ADGRG7: variants seen among roughly 807,000 people sequenced by gnomAD.
ADGRG7 encodes G-protein coupled receptor 128.
In ADGRG7, 82 loss-of-function variants were observed where a neutral mutation model predicts 88.6. That is an observed-to-expected ratio of 0.93 (90% CI 0.77 to 1.11). ADGRG7 has a LOEUF of 1.11. Ranked by LOEUF, ADGRG7 falls within the 50% of genes most tolerant of loss-of-function variation. The pLI, the probability that ADGRG7 is intolerant of heterozygous loss-of-function variation, is 0.00. For synonymous variants in ADGRG7, 381 were observed against 345.2 expected (o/e 1.10, Z -1.15); for missense variants, 945 against 953.4 (o/e 0.99, Z 0.12).
At chr3:100,626,686 G>A (rs1006848899) in intron 1 of ADGRG7, among the ~76,000 whole-genome samples, 3 of 152,188 alleles carry the variant, frequency 2.0e-5, no homozygotes, top group African/African-American at 7.2e-5. Context: ...TCGGGAGGCT[G>A]AGGTAGAAGA....
rs533124308 is a variant in ADGRG7, at chr3:100,675,550, G to GTTTC, written c.2136+6465_2136+6468dup. Reference sequence around the variant, plus strand: ...CGTTCATCAGATGCATTGGCCTGTAGTTTCTTTCTTTCTTTCTTTCTTTTT... The same window carrying GTTTC: ...CGTTCATCAGATGCATTGGCCTGTAGTTTCTTTCTTTCTTTCTTTCTTTCTTTTT... On this transcript the variant is annotated intron_variant, in intron 15 of 15. Transcript: ENST00000273352. Among the ~76,000 whole-genome samples the GTTTC allele has an allele frequency of 8.5e-4, 129 of 152,058 alleles. 1 individual carries two copies. The South Asian group carries it at 1.0e-2, about 12-fold the overall frequency.
chr3:100,619,164 A>C (rs1367341112), intron 1 of ADGRG7, among the ~76,000 whole-genome samples: 1 of 152,128 alleles, frequency 6.6e-6, no homozygotes, highest in Non-Finnish European at 1.5e-5. Flanking sequence ...ATAGTAAAGC[A>C]CTCCTCAGCA....
chr3:100,665,884 TTTAA>T, intron 14 of ADGRG7, among the ~76,000 whole-genome samples: 1 of 152,324 alleles, frequency 6.6e-6, no homozygotes, highest in Middle Eastern at 3.4e-3. Context: ...CAGACTGTGA[TTTAA>T]TTGTTTAATA....
In ADGRG7 at chr3:100,625,502, A is replaced by G. The variant is rs145594140; in HGVS notation, c.116-4096A>G. 3.6e-3 allele frequency among the ~76,000 whole-genome samples: 542 copies of G among 151,796 alleles called. 1 individual carries two copies. The highest frequency in any genetic ancestry group is 0.012 in the African/African-American group (510 of 41,450). ...GCAAACAGAGACAATTTGATTTCCTATTTGAATATCCTTTATTTCTTTCTC... is the reference window on the plus strand; with the variant it reads ...GCAAACAGAGACAATTTGATTTCCTGTTTGAATATCCTTTATTTCTTTCTC... On this transcript the variant is annotated intron_variant, in intron 1 of 15. Transcript: ENST00000273352.
intron 6 of ADGRG7, among the ~76,000 whole-genome samples, chr3:100,642,852 G>T (rs907576820): frequency 3.9e-5 from 6 of 152,186 alleles, no homozygotes; most frequent in Non-Finnish European, 8.8e-5. Flanking sequence ...GGATCCTAAG[G>T]GGTTTGGGTG....
intron 15 of ADGRG7, among the ~76,000 whole-genome samples, chr3:100,682,664 C>A (rs952178414): frequency 5.9e-5 from 9 of 152,182 alleles, no homozygotes; most frequent in Admixed American, 2.0e-4. Context: ...ACAAGAAGAA[C>A]TTGCAGTGAC....
intron 1 of ADGRG7, among the ~76,000 whole-genome samples, chr3:100,620,258 G>A (rs538440133): frequency 4.3e-4 from 66 of 152,192 alleles, no homozygotes; most frequent in Non-Finnish European, 6.8e-4. Context: ...TTCAACATAC[G>A]CAAATCAATA....
At chr3:100,626,308 C>G (rs1707380053) in intron 1 of ADGRG7, among the ~76,000 whole-genome samples, 1 of 151,920 alleles carries the variant, frequency 6.6e-6, no homozygotes, top group South Asian at 2.1e-4. Context: ...AGTTGTTCTT[C>G]TTTTTGGCCT....
At chr3:100,618,902 G>T (rs1394525769) in intron 1 of ADGRG7, among the ~76,000 whole-genome samples, 7 of 152,134 alleles carry the variant, frequency 4.6e-5, no homozygotes, top group African/African-American at 1.7e-4. Flanking sequence ...CTGAGTAGTG[G>T]TTTGTAGTTC....
At chr3:100,694,088 C>A (rs558754425) in intron 15 of ADGRG7, among the ~76,000 whole-genome samples, 2 of 152,144 alleles carry the variant, frequency 1.3e-5, no homozygotes, top group Admixed American at 6.5e-5. Flanking sequence ...CTGAAACATG[C>A]GGATGATAAA....
chr3:100,624,919 T>C (rs1023981043), intron 1 of ADGRG7, among the ~76,000 whole-genome samples: 8 of 152,244 alleles, frequency 5.3e-5, no homozygotes, highest in Middle Eastern at 3.2e-3. Context: ...ACCAGTACCA[T>C]GCTGTTTTGG....
At chr3:100,645,239 G>T (rs1201215364) in intron 8 of ADGRG7, among the ~76,000 whole-genome samples, 1 of 152,238 alleles carries the variant, frequency 6.6e-6, no homozygotes, top group Non-Finnish European at 1.5e-5. Flanking sequence ...CCACCAACGG[G>T]CTGGGTGCCA....
chr3:100,653,061 G>A (rs2094932041), intron 11 of ADGRG7, among the ~76,000 whole-genome samples: 1 of 152,138 alleles, frequency 6.6e-6, no homozygotes. Context: ...CCCAAAATGT[G>A]GTCCTTGAAA....
In ADGRG7 at chr3:100,622,309, C is replaced by T. The variant is rs926511771; in HGVS notation, c.116-7289C>T. Among the ~76,000 whole-genome samples the T allele has an allele frequency of 9.5e-5, 13 of 136,498 alleles. No homozygotes were observed. The South Asian group carries it at 1.1e-3, about 12-fold the overall frequency. The allele number at this position is 136,498 out of a possible 152,430, so 89.5% of individuals were successfully genotyped here. A position where few individuals can be genotyped will look rare whatever the true frequency, so the allele number is the denominator to read the frequency against. ...TTGCTTATGGTTGTCCAGTTGTTTC[C>T]GCAATATTTGTTGAAAAGACTATCC... On this transcript the variant is annotated intron_variant, in intron 1 of 15. Transcript: ENST00000273352.
intron 5 of ADGRG7, among the ~76,000 whole-genome samples, chr3:100,636,529 T>A (rs1405169044): frequency 6.6e-6 from 1 of 152,172 alleles, no homozygotes; most frequent in Non-Finnish European, 1.5e-5. Flanking sequence ...AGCTGGATAG[T>A]GATCAAACAG....
rs777858808 is a variant in ADGRG7, at chr3:100,626,220, T to C, written c.116-3378T>C. On this transcript the variant is annotated intron_variant, in intron 1 of 15. Coordinates refer to ENST00000273352, the MANE Select transcript of ADGRG7 (RefSeq NM_032787.3). ...TATTGACCTATTCAGGGATTTGGCT[T>C]CTTGTTTTAGTCTTGTGAGGGTGTA... 2.8e-4 allele frequency among the ~76,000 whole-genome samples: 43 copies of C among 152,316 alleles called. 1 individual carries two copies. Among genetic ancestry groups the C allele is most frequent in the Non-Finnish European group, 5.1e-4 (35 of 68,034 alleles).
intron 11 of ADGRG7, among the ~76,000 whole-genome samples, chr3:100,652,411 T>C (rs958494483): frequency 6.6e-5 from 10 of 152,194 alleles, no homozygotes; most frequent in Admixed American, 1.3e-4. Flanking sequence ...GTTAGAACTT[T>C]AGGCATAGTA....
chr3:100,675,248 T>C (rs2094963573), intron 15 of ADGRG7, among the ~76,000 whole-genome samples: 1 of 152,196 alleles, frequency 6.6e-6, no homozygotes, highest in Non-Finnish European at 1.5e-5. Context: ...TATACAGCTT[T>C]TATTGTGTTG....
chr3:100,681,311 T>C (rs897808405), intron 15 of ADGRG7, among the ~76,000 whole-genome samples: 2 of 150,964 alleles, frequency 1.3e-5, no homozygotes, highest in Admixed American at 1.3e-4. Context: ...TTTTCTTTTT[T>C]TTTTTTTTCT....
Sources: allele counts gnomAD v4.1 joint callset (sites outside exome capture counted in the v4.1 genomes callset), GRCh38; gene constraint gnomAD v4.1.1; transcripts MANE v1.5; gene names NCBI Gene and HGNC (gene_info 2026-07-23, HGNC 2026-07-21).